The following LRRTM4 variants were observed in gnomAD, a reference collection of about 807,000 sequenced individuals.
The protein encoded by LRRTM4 is leucine rich repeat transmembrane neuronal 4.
In LRRTM4, 25 loss-of-function variants were observed where a neutral mutation model predicts 47.6. The observed-to-expected ratio is 0.53, with a 90% CI of 0.38 to 0.73. LRRTM4 has a LOEUF of 0.73. Ranked by LOEUF, LRRTM4 falls within the 30% of genes least tolerant of loss-of-function variation. The probability of loss-of-function intolerance (pLI) is 0.00; values close to 1 mark genes in which losing one functional copy is unlikely to be tolerated. For synonymous variants in LRRTM4, 311 were observed against 269.5 expected (o/e 1.15, Z -1.51); for missense variants, 638 against 713.4 (o/e 0.89, Z 1.20).
At chr2:77,261,106 G>A (rs1675907603) in intron 3 of LRRTM4, among the ~76,000 whole-genome samples, 1 of 151,948 alleles carries the variant, frequency 6.6e-6, no homozygotes, top group African/African-American at 2.4e-5. Flanking sequence ...AGAAAGGATT[G>A]AGCATATTGT....
At chr2:77,061,275 A>G (rs1421796330) in intron 3 of LRRTM4, among the ~76,000 whole-genome samples, 2 of 152,192 alleles carry the variant, frequency 1.3e-5, no homozygotes, top group Non-Finnish European at 2.9e-5. Context: ...AATCTTGAAA[A>G]TAAGTTTATA....
rs936635734 is a variant in LRRTM4, at chr2:77,142,419, CCACACACACATA to C, written c.1551+375887_1551+375898del. 2.7e-4 allele frequency among the ~76,000 whole-genome samples: 34 copies of C among 127,710 alleles called. No individual in the cohort carries two copies. The East Asian group carries it at 8.1e-3, about 30-fold the overall frequency. 83.8% of individuals were successfully genotyped at this position (127,710 alleles called of 152,430 possible). A position where few individuals can be genotyped will look rare whatever the true frequency, so the allele number is the denominator to read the frequency against. The stretch of plus-strand genomic sequence containing the variant: ...TTCACCTTTTTGCTGCTGCTTGTTA[CCACACACACATA>C]CACACACACACACACACACACACAC... On this transcript the variant is annotated intron_variant, in intron 3 of 3. Transcript: ENST00000409884.
At position 76,774,073 on chromosome 2, in the gene LRRTM4, A is replaced by T. The variant is rs536113162; in HGVS notation, c.1552-25157T>A. Among the ~76,000 whole-genome samples the T allele has an allele frequency of 8.5e-5, 13 of 152,296 alleles. No individual in the cohort carries two copies. The South Asian group carries it at 2.7e-3, about 32-fold the overall frequency. Reference sequence around the variant, plus strand: ...CCGAAAACTTAGCTACTAATAGCCTACTTTTGACTGGAGGTTTTAGCAAGA... The same window carrying T: ...CCGAAAACTTAGCTACTAATAGCCTTCTTTTGACTGGAGGTTTTAGCAAGA... On this transcript the variant is annotated intron_variant, in intron 3 of 3. Coordinates refer to ENST00000409884, the MANE Select transcript of LRRTM4 (RefSeq NM_001134745.3).
intron 3 of LRRTM4, among the ~76,000 whole-genome samples, chr2:77,389,462 A>T (rs1425529552): frequency 2.0e-5 from 3 of 152,152 alleles, no homozygotes; most frequent in African/African-American, 7.2e-5. Flanking sequence ...CTAGTAGGTG[A>T]GTAACTTCAA....
chr2:77,201,533 C>T (rs1351354921), intron 3 of LRRTM4, among the ~76,000 whole-genome samples: 2 of 151,890 alleles, frequency 1.3e-5, no homozygotes, highest in Non-Finnish European at 2.9e-5. Context: ...AGAGAGATGT[C>T]TATATAAGAA....
At chr2:77,374,594 G>C (rs1050870623) in intron 3 of LRRTM4, among the ~76,000 whole-genome samples, 2 of 151,684 alleles carry the variant, frequency 1.3e-5, no homozygotes, top group Non-Finnish European at 3.0e-5. Context: ...TTTTGTATGA[G>C]TGTCAACCCA....
rs73941249 is a variant in LRRTM4 at position 77,387,995 on chromosome 2, C to T, written c.1551+130323G>A. ...GACGGGATAACATCAGGCTCTTGTT[C>T]TTTTTCTGCTCAGATCACTCCTTTG... On this transcript the variant is annotated intron_variant, in intron 3 of 3. Coordinates refer to ENST00000409884, the MANE Select transcript of LRRTM4 (RefSeq NM_001134745.3). Among the ~76,000 whole-genome samples the T allele has an allele frequency of 4.8e-3, 732 of 151,928 alleles. 6 individuals carry two copies. The highest frequency in any genetic ancestry group is 0.017 in the African/African-American group (701 of 41,454).
At chr2:76,949,067 A>G (rs775104707) in intron 3 of LRRTM4, among the ~76,000 whole-genome samples, 2 of 151,498 alleles carry the variant, frequency 1.3e-5, no homozygotes, top group East Asian at 1.9e-4. Flanking sequence ...TCTTCTTACA[A>G]TTAAGAGAAA....
intron 3 of LRRTM4, among the ~76,000 whole-genome samples, chr2:77,235,953 G>A (rs965200249): frequency 6.6e-6 from 1 of 152,100 alleles, no homozygotes; most frequent in Non-Finnish European, 1.5e-5. Context: ...GTCAGGTAAT[G>A]TGATGCCTCT....
intron 3 of LRRTM4, among the ~76,000 whole-genome samples, chr2:77,485,367 AT>A (rs1183473446): frequency 6.6e-6 from 1 of 152,164 alleles, no homozygotes; most frequent in African/African-American, 2.4e-5. Flanking sequence ...AATCTTGGTG[AT>A]TTTCCAGGTA....
chr2:77,370,447 C>A (rs984724731), intron 3 of LRRTM4, among the ~76,000 whole-genome samples: 2 of 151,556 alleles, frequency 1.3e-5, no homozygotes, highest in South Asian at 4.2e-4. Context: ...AATCTCAATG[C>A]TTCTAATTTG....
At chr2:76,871,235 T>C (rs1004304008) in intron 3 of LRRTM4, among the ~76,000 whole-genome samples, 2 of 152,144 alleles carry the variant, frequency 1.3e-5, no homozygotes, top group Admixed American at 6.6e-5. Flanking sequence ...TTACCAAACT[T>C]AAAGCTTCAA....
At chr2:77,164,495 A>G (rs1672824568) in intron 3 of LRRTM4, among the ~76,000 whole-genome samples, 1 of 152,216 alleles carries the variant, frequency 6.6e-6, no homozygotes, top group African/African-American at 2.4e-5. Flanking sequence ...CCCCAAATCA[A>G]CAGAATATAC....
intron 3 of LRRTM4, among the ~76,000 whole-genome samples, chr2:77,394,922 G>T (rs570307036): frequency 6.6e-6 from 1 of 151,878 alleles, no homozygotes; most frequent in Non-Finnish European, 1.5e-5. Context: ...TGTGGAACAG[G>T]GGGTGGAGGG....
chr2:77,014,716 G>A (rs138489701), intron 3 of LRRTM4, among the ~76,000 whole-genome samples: 2,408 of 152,144 alleles, frequency 0.016, 67 homozygotes, highest in African/African-American at 0.055. Flanking sequence ...GGAGGCTGAA[G>A]CAGGAGAATC....
intron 3 of LRRTM4, among the ~76,000 whole-genome samples, chr2:76,814,005 C>A (rs1184631775): frequency 6.6e-6 from 1 of 152,042 alleles, no homozygotes; most frequent in Non-Finnish European, 1.5e-5. Context: ...ATCTCCTTAT[C>A]CCCCTCTGGG....
chr2:77,132,872 G>A (rs908825158), intron 3 of LRRTM4, among the ~76,000 whole-genome samples: 18 of 152,126 alleles, frequency 1.2e-4, no homozygotes, highest in African/African-American at 3.1e-4. Context: ...GAAAGGGAAA[G>A]GGAAGAAGAA....
intron 3 of LRRTM4, among the ~76,000 whole-genome samples, chr2:77,362,187 G>A (rs572503983): frequency 2.5e-4 from 28 of 111,384 alleles, no homozygotes; most frequent in Admixed American, 1.7e-4. Context: ...GGAAGGAAGA[G>A]TTCTTAATGT....
intron 3 of LRRTM4, among the ~76,000 whole-genome samples, chr2:76,809,034 T>C (rs2103811769): frequency 6.6e-6 from 1 of 152,298 alleles, no homozygotes; most frequent in Admixed American, 6.5e-5. Context: ...TTACCCCAAT[T>C]ATCTTTCTCC....
Sources: allele counts gnomAD v4.1 joint callset (sites outside exome capture counted in the v4.1 genomes callset), GRCh38; gene constraint gnomAD v4.1.1; transcripts MANE v1.5; gene names NCBI Gene and HGNC (gene_info 2026-07-23, HGNC 2026-07-21).